DLG2: variants seen among roughly 807,000 people sequenced by gnomAD.
DLG2 encodes the protein discs large MAGUK scaffold protein 2, also known as disks large homolog 2.
DLG2 carries 45 observed loss-of-function variants against 132.5 expected under a neutral mutation model. The ratio of observed to expected loss-of-function variants is 0.34; its 90% CI spans 0.27 to 0.44. The LOEUF (loss-of-function observed/expected upper bound fraction) is 0.44, where lower values mean the gene tolerates loss of function less well. DLG2 is among the 20% of genes least tolerant of loss of function. The pLI is 1.00. For missense variants in DLG2, 1,045 were observed against 1,196.9 expected (o/e 0.87, Z 1.87); for synonymous variants, 424 against 419.6 (o/e 1.01, Z -0.13).
chr11:84,776,072 T>G (rs532342108), intron 6 of DLG2, among the ~76,000 whole-genome samples: 169 of 152,308 alleles, frequency 1.1e-3, no homozygotes, highest in Non-Finnish European at 1.8e-3. Context: ...CAAATATGCC[T>G]GATTATTTAA....
intron 19 of DLG2, among the ~76,000 whole-genome samples, chr11:83,570,180 C>T (rs1251554399): frequency 6.6e-6 from 1 of 152,090 alleles, no homozygotes; most frequent in Non-Finnish European, 1.5e-5. Flanking sequence ...AACATGTACC[C>T]CCTCAAACTC....
intron 7 of DLG2, among the ~76,000 whole-genome samples, chr11:84,319,317 G>A (rs2098389499): frequency 6.6e-6 from 1 of 152,020 alleles, no homozygotes; most frequent in African/African-American, 2.4e-5. Context: ...TAACCATGAT[G>A]CATGGCTGTA....
intron 18 of DLG2, among the ~76,000 whole-genome samples, chr11:83,674,571 C>T (rs1421121926): frequency 1.3e-5 from 2 of 152,200 alleles, no homozygotes; most frequent in Non-Finnish European, 2.9e-5. Context: ...ATCTGTCACC[C>T]TTCCACTATT....
At chr11:84,363,664 A>C (rs1310206484) in intron 7 of DLG2, among the ~76,000 whole-genome samples, 2 of 151,612 alleles carry the variant, frequency 1.3e-5, no homozygotes, top group African/African-American at 4.9e-5. Context: ...TAAGTCTTTA[A>C]TCCATCTTGA....
At chr11:83,709,797 C>A (rs1179805600) in intron 18 of DLG2, among the ~76,000 whole-genome samples, 1 of 152,162 alleles carries the variant, frequency 6.6e-6, no homozygotes, top group East Asian at 1.9e-4. Context: ...GTAACAATGG[C>A]ACTTGACCTT....
At chr11:84,708,906 A>C (rs986556483) in intron 6 of DLG2, among the ~76,000 whole-genome samples, 2 of 151,928 alleles carry the variant, frequency 1.3e-5, no homozygotes, top group Non-Finnish European at 2.9e-5. Context: ...CTTTTAAATA[A>C]AGAAAATAAA....
At chr11:83,779,622 T>C (rs1460952249) in intron 18 of DLG2, among the ~76,000 whole-genome samples, 4 of 152,214 alleles carry the variant, frequency 2.6e-5, no homozygotes, top group Non-Finnish European at 5.9e-5. Context: ...ACTGCTCAGC[T>C]AGCCTCAGCT....
intron 6 of DLG2, among the ~76,000 whole-genome samples, chr11:84,758,178 A>G (rs567459816): frequency 6.6e-5 from 10 of 152,228 alleles, no homozygotes; most frequent in Non-Finnish European, 1.5e-4. Context: ...AATTAATCTG[A>G]GAGCTTTCTC....
At chr11:84,409,442 G>A (rs1259963026) in intron 7 of DLG2, among the ~76,000 whole-genome samples, 1 of 152,158 alleles carries the variant, frequency 6.6e-6, no homozygotes, top group Non-Finnish European at 1.5e-5. Context: ...AATGATGAAA[G>A]CCGGTTATAG....
chr11:84,726,302 CCCCT>C (rs2062444876), intron 6 of DLG2, among the ~76,000 whole-genome samples: 1 of 152,040 alleles, frequency 6.6e-6, no homozygotes. Context: ...GTGTGATGTT[CCCCT>C]CCCTATGTCC....
chr11:83,574,314 A>G (rs1230940635), intron 19 of DLG2, among the ~76,000 whole-genome samples: 1 of 152,134 alleles, frequency 6.6e-6, no homozygotes, highest in African/African-American at 2.4e-5. Context: ...AATTTCCTTT[A>G]TGGTTAATAC....
At chr11:84,738,419 C>A (rs887072417) in intron 6 of DLG2, among the ~76,000 whole-genome samples, 1 of 152,052 alleles carries the variant, frequency 6.6e-6, no homozygotes, top group Non-Finnish European at 1.5e-5. Flanking sequence ...AAAAAGAAAT[C>A]TAAGGACATA....
chr11:83,745,969 A>G (rs1436738870), intron 18 of DLG2, among the ~76,000 whole-genome samples: 1 of 152,226 alleles, frequency 6.6e-6, no homozygotes, highest in African/African-American at 2.4e-5. Flanking sequence ...CAACAGACAC[A>G]TGAAAAAATG....
chr11:84,615,818 TAAAAAAAAAAA>T (rs559199428), intron 6 of DLG2, among the ~76,000 whole-genome samples: 3 of 67,640 alleles, frequency 4.4e-5, no homozygotes, highest in African/African-American at 1.8e-4. Context: ...ACAAAAACGG[TAAAAAAAAAAA>T]AAAAAAAAAA....
intron 7 of DLG2, among the ~76,000 whole-genome samples, chr11:84,390,392 A>G (rs1395608196): frequency 6.6e-6 from 1 of 152,216 alleles, no homozygotes; most frequent in African/African-American, 2.4e-5. Context: ...TACCGACTCC[A>G]TGCCAGACAC....
At chr11:85,157,916 C>T (rs1022808341) in intron 4 of DLG2, among the ~76,000 whole-genome samples, 2 of 152,094 alleles carry the variant, frequency 1.3e-5, no homozygotes, top group African/African-American at 2.4e-5. Context: ...CTCCCCGACC[C>T]ATTAGCCTTT....
chr11:84,379,731 C>T (rs2098742670), intron 7 of DLG2, among the ~76,000 whole-genome samples: 1 of 151,504 alleles, frequency 6.6e-6, no homozygotes, highest in South Asian at 2.1e-4. Context: ...CTTGCCAGTA[C>T]ACTTTTAATG....
chr11:85,455,216 T>C (rs1008472477), intron 3 of DLG2, among the ~76,000 whole-genome samples: 1 of 152,186 alleles, frequency 6.6e-6, no homozygotes, highest in Non-Finnish European at 1.5e-5. Flanking sequence ...CGTTTTGTAA[T>C]TGTCCTTGCA....
At chr11:85,044,891 T>G (rs1182278202) in intron 6 of DLG2, among the ~76,000 whole-genome samples, 2 of 152,020 alleles carry the variant, frequency 1.3e-5, no homozygotes, top group African/African-American at 4.8e-5. Flanking sequence ...AGATGAAGCT[T>G]AAGTAAATGG....
Sources: gnomAD v4.1 joint callset for allele counts (sites outside exome capture counted in the v4.1 genomes callset) on GRCh38, gnomAD v4.1.1 for gene constraint, MANE v1.5 for transcripts, NCBI Gene and HGNC (gene_info 2026-07-23, HGNC 2026-07-21) for gene names.